SOX5: variants seen among roughly 807,000 people sequenced by gnomAD.
The protein encoded by SOX5 is SRY-box transcription factor 5.
A neutral mutation model predicts 92.0 loss-of-function variants in SOX5; 9 were observed. The observed-to-expected ratio is 0.10, with a 90% CI of 0.06 to 0.17. The LOEUF is 0.17. Ranked by LOEUF, SOX5 falls within the 10% of genes least tolerant of loss-of-function variation. The probability of loss-of-function intolerance (pLI) is 1.00; values close to 1 mark genes in which losing one functional copy is unlikely to be tolerated. For synonymous variants in SOX5, 344 were observed against 336.3 expected (o/e 1.02, Z -0.25); for missense variants, 642 against 944.5 (o/e 0.68, Z 4.20).
chr12:23,579,138 A>G (rs532260540), intron 9 of SOX5, among the ~76,000 whole-genome samples: 1 of 152,242 alleles, frequency 6.6e-6, no homozygotes, highest in South Asian at 2.1e-4. Flanking sequence ...CTTAGCTTTA[A>G]GCACTAATAA....
intron 7 of SOX5, among the ~76,000 whole-genome samples, chr12:23,644,067 A>G (rs1010223313): frequency 2.0e-5 from 3 of 152,174 alleles, no homozygotes; most frequent in African/African-American, 7.2e-5. Context: ...TTGCCTTCTA[A>G]TGCACAGAAT....
chr12:24,263,913 AG>A (rs1304949471), intron 3 of SOX5, among the ~76,000 whole-genome samples: 1 of 152,222 alleles, frequency 6.6e-6, no homozygotes. Flanking sequence ...CTAGAAATTT[AG>A]ATCATAATTC....
At chr12:24,064,620 T>C (rs1188125024) in intron 4 of SOX5, among the ~76,000 whole-genome samples, 3 of 152,266 alleles carry the variant, frequency 2.0e-5, no homozygotes, top group Non-Finnish European at 2.9e-5. Context: ...GTTTGTTTTT[T>C]CAAAATGTTA....
intron 1 of SOX5, among the ~76,000 whole-genome samples, chr12:24,515,954 C>T (rs567400820): frequency 2.2e-4 from 34 of 152,126 alleles, no homozygotes; most frequent in African/African-American, 7.0e-4. Flanking sequence ...TCCATTTCCA[C>T]CTAAGTATGC....
chr12:24,382,799 G>C (rs992142412), intron 1 of SOX5, among the ~76,000 whole-genome samples: 3 of 152,090 alleles, frequency 2.0e-5, no homozygotes, highest in Non-Finnish European at 2.9e-5. Flanking sequence ...AAAAGCAAAA[G>C]AGAGGAGTCA....
chr12:23,907,627 C>A (rs1226992804), intron 1 of SOX5, among the ~76,000 whole-genome samples: 1 of 151,654 alleles, frequency 6.6e-6, no homozygotes, highest in African/African-American at 2.4e-5. Flanking sequence ...ATCACAAATG[C>A]GTATATATGG....
At chr12:24,089,691 G>GCCTT (rs2137747862) in intron 4 of SOX5, among the ~76,000 whole-genome samples, 1 of 152,226 alleles carries the variant, frequency 6.6e-6, no homozygotes, top group East Asian at 1.9e-4. Flanking sequence ...AAACGCCCAG[G>GCCTT]CCTTATGTGC....
intron 2 of SOX5, among the ~76,000 whole-genome samples, chr12:23,855,849 T>TA (rs2096682043): frequency 6.6e-6 from 1 of 152,120 alleles, no homozygotes; most frequent in Non-Finnish European, 1.5e-5. Context: ...TTTCATAGCC[T>TA]AAAATCAGTC....
chr12:24,550,427 A>G (rs979465343), intron 1 of SOX5, among the ~76,000 whole-genome samples: 2 of 152,298 alleles, frequency 1.3e-5, no homozygotes, highest in East Asian at 3.9e-4. Flanking sequence ...GCCAAACACA[A>G]TCTCTGATGA....
At chr12:23,867,247 A>G (rs1211338133) in intron 2 of SOX5, among the ~76,000 whole-genome samples, 2 of 152,118 alleles carry the variant, frequency 1.3e-5, no homozygotes, top group Non-Finnish European at 2.9e-5. Context: ...TTTTCCACCT[A>G]AATATCTCCT....
At chr12:23,886,933 G>A (rs2097074388) in intron 2 of SOX5, among the ~76,000 whole-genome samples, 1 of 151,958 alleles carries the variant, frequency 6.6e-6, no homozygotes, top group African/African-American at 2.4e-5. Flanking sequence ...AACAATACAG[G>A]GTTTCAAGTG....
Position 23,676,751 on chromosome 12 carries a change from C to T in SOX5, c.811-11187G>A, listed in dbSNP as rs565453046. 1.0e-3 allele frequency among the ~76,000 whole-genome samples: 154 copies of T among 152,248 alleles called. 1 individual carries two copies. Among genetic ancestry groups the T allele is most frequent in the African/African-American group, 2.9e-3 (119 of 41,542 alleles). The stretch of plus-strand genomic sequence containing the variant: ...CCTTGAATTATGGCACTTTTCTCTC[C>T]GTTATTTGGGAGAGGAGATGCGGAA... On this transcript the variant is annotated intron_variant, in intron 6 of 14. Coordinates refer to ENST00000451604, the MANE Select transcript of SOX5 (RefSeq NM_006940.6).
intron 9 of SOX5, among the ~76,000 whole-genome samples, chr12:23,602,919 T>C (rs568652329): frequency 1.3e-5 from 2 of 152,232 alleles, no homozygotes; most frequent in South Asian, 2.1e-4. Context: ...GCCTTAGATA[T>C]ACATTAAGCA....
chr12:23,812,437 A>C (rs553569636), intron 3 of SOX5, among the ~76,000 whole-genome samples: 1 of 152,228 alleles, frequency 6.6e-6, no homozygotes, highest in East Asian at 1.9e-4. Flanking sequence ...TAATATCTTA[A>C]AGTAATTTCC....
rs116088291 is a variant in SOX5 at position 24,549,331 on chromosome 12, A to T, written c.-251+12998T>A. 9.8e-3 allele frequency among the ~76,000 whole-genome samples: 1,500 copies of T among 152,348 alleles called. 21 individuals carry two copies. The highest frequency in any genetic ancestry group is 0.048 in the Middle Eastern group (14 of 294). ...TGTGCAAAGTGTGTGCCTGTTCCAC[A>T]CACCACTGAATCTCTAGCAGTTAAC... On this transcript the variant is annotated intron_variant, in intron 1 of 4. Coordinates refer to the SOX5 transcript ENST00000446891.
intron 11 of SOX5, among the ~76,000 whole-genome samples, chr12:23,559,816 T>C (rs1313914633): frequency 6.6e-6 from 1 of 152,186 alleles, no homozygotes; most frequent in East Asian, 1.9e-4. Context: ...TTTTCTTTTT[T>C]TCCTTTCTCC....
chr12:24,306,030 A>G (rs1375164939), intron 2 of SOX5, among the ~76,000 whole-genome samples: 2 of 152,364 alleles, frequency 1.3e-5, no homozygotes, highest in East Asian at 3.9e-4. Context: ...CGTGAGGATC[A>G]GAAAATATAG....
At chr12:24,472,057 C>T (rs1022050868) in intron 1 of SOX5, among the ~76,000 whole-genome samples, 2 of 152,188 alleles carry the variant, frequency 1.3e-5, no homozygotes, top group African/African-American at 4.8e-5. Flanking sequence ...TTTTTGATCA[C>T]ACTAATTAAC....
At chr12:24,113,445 G>A (rs1313231353) in intron 4 of SOX5, among the ~76,000 whole-genome samples, 5 of 151,894 alleles carry the variant, frequency 3.3e-5, no homozygotes, top group Non-Finnish European at 7.4e-5. Context: ...GTATATTGAA[G>A]TTTACAAAAA....
Sources: gnomAD v4.1 joint callset for allele counts (sites outside exome capture counted in the v4.1 genomes callset) on GRCh38, gnomAD v4.1.1 for gene constraint, MANE v1.5 for transcripts, NCBI Gene and HGNC (gene_info 2026-07-23, HGNC 2026-07-21) for gene names.